DSE: variants seen among roughly 807,000 people sequenced by gnomAD.
DSE encodes dermatan sulfate epimerase.
DSE carries 36 observed loss-of-function variants against 84.4 expected under a neutral mutation model. That is an observed-to-expected ratio of 0.43 (90% confidence interval 0.33 to 0.56). The LOEUF is 0.56. Ranked by LOEUF, DSE falls within the 20% of genes least tolerant of loss-of-function variation. DSE has a pLI of 0.06. For synonymous variants in DSE, 410 were observed against 430.1 expected (o/e 0.95, Z 0.58); for missense variants, 862 against 1,169.6 (o/e 0.74, Z 3.84).
intron 1 of DSE, among the ~76,000 whole-genome samples, chr6:116,397,357 C>CG (rs1327044098): frequency 6.6e-6 from 1 of 151,404 alleles, no homozygotes; most frequent in Admixed American, 6.6e-5. Flanking sequence ...CAGGCACCCC[C>CG]CACCACACCT....
chr6:116,372,337 G>A (rs1207783996), intron 1 of DSE, among the ~76,000 whole-genome samples: 1 of 152,134 alleles, frequency 6.6e-6, no homozygotes, highest in East Asian at 1.9e-4. Flanking sequence ...GCGTGGTGGC[G>A]GGCGCCTGTA....
chr6:116,358,864 G>C (rs769805913), intron 2 of DSE, among the ~76,000 whole-genome samples: 14 of 152,130 alleles, frequency 9.2e-5, no homozygotes, highest in Non-Finnish European at 2.1e-4. Flanking sequence ...TTATCAGTCA[G>C]ATTTATGTAG....
intron 2 of DSE, among the ~76,000 whole-genome samples, chr6:116,349,743 G>A (rs1778205279): frequency 6.6e-6 from 1 of 152,206 alleles, no homozygotes; most frequent in South Asian, 2.1e-4. Flanking sequence ...CTGAAGTGAG[G>A]AGGAAGGGAG....
chr6:116,280,208 C>A, intron 2 of DSE: 1 of 335,694 alleles, frequency 3.0e-6, no homozygotes, highest in Non-Finnish European at 5.8e-6. Flanking sequence ...TGCCTGCTCT[C>A]CAGTGTCTGA....
chr6:116,294,394 G>A (rs1329862243), intron 2 of DSE, among the ~76,000 whole-genome samples: 1 of 152,174 alleles, frequency 6.6e-6, no homozygotes, highest in South Asian at 2.1e-4. Context: ...CAAGTTAAAC[G>A]TAGTTTAGTA....
intron 2 of DSE, among the ~76,000 whole-genome samples, chr6:116,313,568 A>G (rs540047062): frequency 6.6e-6 from 1 of 152,336 alleles, no homozygotes; most frequent in Admixed American, 6.5e-5. Context: ...TCCTTTATAA[A>G]TTAATTGCAA....
chr6:116,285,206 G>A (rs140608015), intron 2 of DSE, among the ~76,000 whole-genome samples: 5,654 of 152,130 alleles, frequency 0.037, 151 homozygotes, highest in Non-Finnish European at 0.059. Flanking sequence ...TTTAATGATC[G>A]CCATTCTAAC....
chr6:116,301,781 C>T (rs112209990), intron 2 of DSE, among the ~76,000 whole-genome samples: 6,402 of 152,210 alleles, frequency 0.042, 452 homozygotes, highest in African/African-American at 0.15. Context: ...GCTCTCCCTC[C>T]GCTAGCTCCC....
At chr6:116,328,145 G>A (rs1163139826) in intron 2 of DSE, among the ~76,000 whole-genome samples, 1 of 152,200 alleles carries the variant, frequency 6.6e-6, no homozygotes, top group Non-Finnish European at 1.5e-5. Context: ...TATTAAGAAA[G>A]ACGTAGTTTA....
intron 2 of DSE, among the ~76,000 whole-genome samples, chr6:116,336,753 C>T (rs1777277152): frequency 2.1e-5 from 1 of 47,132 alleles, no homozygotes; most frequent in Non-Finnish European, 5.5e-5. Flanking sequence ...AAAACTCCAT[C>T]TCAAAAAAAA....
rs1262267122 is a variant in DSE, at chr6:116,413,791, T to A, written c.417-12783T>A. On this transcript the variant is annotated intron_variant, in intron 2 of 5. Transcript: ENST00000644252. Reference sequence around the variant, plus strand: ...CTCTAAGAGACAGCAAAATATCATTTCACGTATGCTAGCTCCTCCAGGCCT... The same window carrying A: ...CTCTAAGAGACAGCAAAATATCATTACACGTATGCTAGCTCCTCCAGGCCT... Among the ~76,000 whole-genome samples the A allele has an allele frequency of 2.6e-5, 4 of 152,214 alleles. No homozygotes were observed. In the East Asian group the frequency reaches 7.7e-4, roughly 29 times the overall value.
intron 2 of DSE, among the ~76,000 whole-genome samples, chr6:116,422,793 A>T (rs1013717951): frequency 1.3e-5 from 2 of 152,208 alleles, no homozygotes; most frequent in Non-Finnish European, 2.9e-5. Flanking sequence ...GTTTTACTTA[A>T]TACTGCTTTT....
At chr6:116,420,375 C>T (rs906583583) in intron 2 of DSE, among the ~76,000 whole-genome samples, 2 of 152,196 alleles carry the variant, frequency 1.3e-5, no homozygotes, top group Admixed American at 1.3e-4. Flanking sequence ...GTGGGGCTCT[C>T]ATGATAGGAT....
intron 1 of DSE, among the ~76,000 whole-genome samples, chr6:116,388,892 A>G (rs1222015606): frequency 6.6e-6 from 1 of 152,212 alleles, no homozygotes; most frequent in African/African-American, 2.4e-5. Context: ...AAAGTTATAA[A>G]TGTGCAGTTG....
chr6:116,365,184 T>C (rs1779095174), intron 2 of DSE, among the ~76,000 whole-genome samples: 1 of 152,070 alleles, frequency 6.6e-6, no homozygotes, highest in Non-Finnish European at 1.5e-5. Context: ...TTTTGGTACA[T>C]TGGAATCACA....
At chr6:116,353,548 C>T (rs1778428894) in intron 2 of DSE, among the ~76,000 whole-genome samples, 1 of 152,172 alleles carries the variant, frequency 6.6e-6, no homozygotes, top group Non-Finnish European at 1.5e-5. Context: ...ATTTACACTT[C>T]CTAGCATTGT....
At chr6:116,415,274 T>C (rs1314182883) in intron 2 of DSE, among the ~76,000 whole-genome samples, 2 of 152,132 alleles carry the variant, frequency 1.3e-5, no homozygotes, top group African/African-American at 4.8e-5. Context: ...TGTTTTATTG[T>C]ATACTAGTGT....
intron 2 of DSE, among the ~76,000 whole-genome samples, chr6:116,289,811 T>G (rs1774169221): frequency 6.6e-6 from 1 of 152,062 alleles, no homozygotes; most frequent in Non-Finnish European, 1.5e-5. Flanking sequence ...AACTCTGCCT[T>G]GTGAGTTCTT....
chr6:116,436,311 A>C lies in DSE; in HGVS notation c.1843A>C (p.Lys615Gln), dbSNP rs1457557673. 1 of 1,614,148 alleles carries C rather than the reference A, an allele frequency of 6.2e-7. No individual in the cohort carries two copies. The highest frequency in any genetic ancestry group is 8.5e-7 in the Non-Finnish European group (1 of 1,180,006). ...CATCAGGCAGAGAGATGGTCTCTATAAAATGTACTGGATGGACGATACTGG... is the reference window on the plus strand; with the variant it reads ...CATCAGGCAGAGAGATGGTCTCTATCAAATGTACTGGATGGACGATACTGG... ...AFIRQRDGLY[K>Q]MYWMDDTGYS... The change falls in exon 6 of 6, where the codon AAA becomes CAA. Residue 615 changes from lysine to glutamine, a missense_variant. Transcript: ENST00000644252.
Sources: allele counts gnomAD v4.1 joint callset (sites outside exome capture counted in the v4.1 genomes callset), GRCh38; gene constraint gnomAD v4.1.1; transcripts MANE v1.5; gene names NCBI Gene and HGNC (gene_info 2026-07-23, HGNC 2026-07-21).